NAA20: variants seen among roughly 807,000 people sequenced by gnomAD.
The protein encoded by NAA20 is N-alpha-acetyltransferase 20.
NAA20 carries 24 observed loss-of-function variants against 23.8 expected under a neutral mutation model. The ratio of observed to expected loss-of-function variants is 1.01; its 90% CI spans 0.73 to 1.42. The LOEUF is 1.42. Among genes scored for constraint, NAA20 ranks in the 40% most tolerant of loss-of-function variants. The probability of loss-of-function intolerance (pLI) is 0.00; values close to 1 mark genes in which losing one functional copy is unlikely to be tolerated. For missense variants in NAA20, 166 were observed against 223.1 expected (o/e 0.74, Z 1.63); for synonymous variants, 83 against 77.7 (o/e 1.07, Z -0.36).
At chr20:20,019,984 T>C (rs1425296545) in intron 1 of NAA20, among the ~76,000 whole-genome samples, 1 of 152,170 alleles carries the variant, frequency 6.6e-6, no homozygotes, top group Non-Finnish European at 1.5e-5. Flanking sequence ...ATTGAAATAA[T>C]CCATGGATGT....
chr20:20,022,654 C>T (rs2043278207), intron 2 of NAA20, 174 bp downstream of exon 2: 2 of 537,256 alleles, frequency 3.7e-6, no homozygotes, highest in Non-Finnish European at 3.2e-6. Context: ...CAAGAGTTGT[C>T]TTAGATCTGC....
At chr20:20,027,769 A>G (rs1280014289) in intron 4 of NAA20, among the ~76,000 whole-genome samples, 2 of 145,292 alleles carry the variant, frequency 1.4e-5, no homozygotes, top group Non-Finnish European at 3.0e-5. Flanking sequence ...TTTTTTTTTT[A>G]AGGGACGTGT....
At chr20:20,017,715 C>T (rs2043241016) in intron 1 of NAA20, 1 of 1,430,234 alleles carries the variant, frequency 7.0e-7, no homozygotes, top group East Asian at 2.5e-5. Context: ...CTGGCAGGTT[C>T]TGGGGCAGCG....
chr20:20,022,704 A>C, intron 2 of NAA20: 1 of 449,250 alleles, frequency 2.2e-6, no homozygotes, highest in Non-Finnish European at 3.9e-6. Context: ...GAAATCTGTA[A>C]CATCATAGCT....
chr20:20,033,040 A>T, intron 5 of NAA20, 62 bp from the exon 6 acceptor site: 4 of 1,303,968 alleles, frequency 3.1e-6, no homozygotes, highest in Non-Finnish European at 4.4e-6. Context: ...CTTTACCTAT[A>T]CACTTTACAT....
chr20:20,021,562 T>C (rs975314806), intron 1 of NAA20, among the ~76,000 whole-genome samples: 1 of 152,236 alleles, frequency 6.6e-6, no homozygotes, highest in South Asian at 2.1e-4. Context: ...TGAGTGAATA[T>C]TTAAAATTTT....
chr20:20,032,000 A>G (rs770778391), intron 4 of NAA20, among the ~76,000 whole-genome samples: 17 of 152,190 alleles, frequency 1.1e-4, no homozygotes, highest in Non-Finnish European at 2.4e-4. Context: ...ACTCCTAGCT[A>G]TAGACCTTAC....
At chr20:20,017,323 C>T (rs1271376671), upstream of NAA20, 2 of 1,589,362 alleles carry the variant, frequency 1.3e-6, no homozygotes, top group East Asian at 4.6e-5. Flanking sequence ...TCCGCGGCGG[C>T]CACGCTCCGG....
At position 20,031,325 on chromosome 20, in the gene NAA20, T is replaced by A. The variant is rs558450781; in HGVS notation, c.306-1183T>A. On this transcript the variant is annotated intron_variant, in intron 4 of 5. Transcript: ENST00000334982. ...CATACCACAGAAGAGGCATTGCACATCAATAGTATGAAGATAGACTTTTCA... is the reference window on the plus strand; with the variant it reads ...CATACCACAGAAGAGGCATTGCACAACAATAGTATGAAGATAGACTTTTCA... Among the ~76,000 whole-genome samples the A allele has an allele frequency of 3.9e-5, 6 of 152,226 alleles. No homozygotes were observed. In the South Asian group the frequency reaches 1.2e-3, roughly 32 times the overall value.
rs374686351 is a variant in NAA20 at position 20,017,460 on chromosome 20, C to T, written c.53+11C>T. The T allele has an allele frequency of 4.4e-6, 7 of 1,608,194 alleles. No individual in the cohort carries two copies. In the Admixed American group the frequency reaches 8.4e-5, roughly 19 times the overall value. Reference sequence around the variant, plus strand: ...CCGCTTCAACAACATGTGAGTGACACGCGCCTAGGGCCAGCCGCTCTTGGC... The same window carrying T: ...CCGCTTCAACAACATGTGAGTGACATGCGCCTAGGGCCAGCCGCTCTTGGC... On this transcript the variant is annotated intron_variant, in intron 1 of 5. Coordinates refer to ENST00000334982, the MANE Select transcript of NAA20 (RefSeq NM_016100.5).
At chr20:20,031,010 AC>A (rs905506607) in intron 4 of NAA20, among the ~76,000 whole-genome samples, 1 of 152,224 alleles carries the variant, frequency 6.6e-6, no homozygotes, top group African/African-American at 2.4e-5. Flanking sequence ...GGAGCGATAA[AC>A]TATCACTGGA....
At chr20:20,017,710 A>G in intron 1 of NAA20, 1 of 1,427,232 alleles carries the variant, frequency 7.0e-7, no homozygotes, top group Non-Finnish European at 9.1e-7. Flanking sequence ...GCGAGCTGGC[A>G]GGTTCTGGGG....
chr20:20,017,789 GGCCTGGA>G, intron 1 of NAA20: 1 of 1,440,888 alleles, frequency 6.9e-7, no homozygotes, highest in Non-Finnish European at 9.1e-7. Flanking sequence ...CTGGAGACGC[GGCCTGGA>G]GCCCACGACC....
At chr20:20,017,348 G>A, upstream of NAA20, 1 of 1,607,456 alleles carries the variant, frequency 6.2e-7, no homozygotes, top group South Asian at 1.1e-5. Flanking sequence ...CTTCCGGCAG[G>A]GCGGGCGCGG....
intron 4 of NAA20, among the ~76,000 whole-genome samples, chr20:20,030,146 C>T (rs1488113653): frequency 1.3e-5 from 2 of 152,072 alleles, no homozygotes; most frequent in Non-Finnish European, 2.9e-5. Flanking sequence ...TTTTTTAAGG[C>T]CAGGATAACC....
intron 4 of NAA20, among the ~76,000 whole-genome samples, chr20:20,027,935 A>G (rs530346538): frequency 1.3e-5 from 2 of 152,182 alleles, no homozygotes; most frequent in East Asian, 3.9e-4. Flanking sequence ...ATTTCCTAAA[A>G]GTGTGGTAGG....
At chr20:20,029,684 G>C (rs1366022754) in intron 4 of NAA20, among the ~76,000 whole-genome samples, 2 of 151,354 alleles carry the variant, frequency 1.3e-5, no homozygotes, top group African/African-American at 4.9e-5. Flanking sequence ...AAGTAAAAAT[G>C]CACAAATTGA....
At chr20:20,021,310 G>A (rs1019627019) in intron 1 of NAA20, among the ~76,000 whole-genome samples, 1 of 152,022 alleles carries the variant, frequency 6.6e-6, no homozygotes, top group East Asian at 1.9e-4. Flanking sequence ...GTATTAAGAA[G>A]GTTTTTCATC....
At chr20:20,017,906 G>A in intron 1 of NAA20, 7 of 1,604,118 alleles carry the variant, frequency 4.4e-6, no homozygotes, top group Non-Finnish European at 5.1e-6. Context: ...GAGGGGGCTT[G>A]CGAGGATCGG....
Sources: allele counts gnomAD v4.1 joint callset (sites outside exome capture counted in the v4.1 genomes callset), GRCh38; gene constraint gnomAD v4.1.1; transcripts MANE v1.5; gene names NCBI Gene and HGNC (gene_info 2026-07-23, HGNC 2026-07-21).